TNFRSF13B: variants seen among roughly 807,000 people sequenced by gnomAD.
TNFRSF13B encodes the protein TNF receptor superfamily member 13B, also known as tumor necrosis factor receptor superfamily member 13B.
TNFRSF13B carries 34 observed loss-of-function variants against 24.0 expected under a neutral mutation model. The observed-to-expected ratio is 1.41, with a 90% CI of 1.08 to 1.88. The LOEUF (loss-of-function observed/expected upper bound fraction) is 1.88, where lower values mean the gene tolerates loss of function less well. TNFRSF13B is among the 40% of genes most tolerant of loss of function. The pLI, the probability that TNFRSF13B is intolerant of heterozygous loss-of-function variation, is 0.00. For missense variants in TNFRSF13B, 415 were observed against 380.8 expected (o/e 1.09, Z -0.75); for synonymous variants, 173 against 150.3 (o/e 1.15, Z -1.10).
At chr17:16,961,619 T>C (rs1003351715) in intron 1 of TNFRSF13B, among the ~76,000 whole-genome samples, 11 of 152,200 alleles carry the variant, frequency 7.2e-5, no homozygotes, top group African/African-American at 2.7e-4. Flanking sequence ...AATTTCTTTC[T>C]GGGGCCATAA....
chr17:16,946,223 C>G (rs1258210679), intron 3 of TNFRSF13B, among the ~76,000 whole-genome samples: 1 of 152,222 alleles, frequency 6.6e-6, no homozygotes, highest in Non-Finnish European at 1.5e-5. Flanking sequence ...CCCATGGGAC[C>G]TTAGCCCTGG....
At chr17:16,946,074 C>T (rs1290417078) in intron 3 of TNFRSF13B, among the ~76,000 whole-genome samples, 2 of 152,198 alleles carry the variant, frequency 1.3e-5, no homozygotes, top group African/African-American at 2.4e-5. Context: ...ACCCCTGACT[C>T]GGGAGAAAGC....
chr17:16,955,231 C>T (rs1353097468), intron 1 of TNFRSF13B, among the ~76,000 whole-genome samples: 1 of 152,196 alleles, frequency 6.6e-6, no homozygotes, highest in African/African-American at 2.4e-5. Context: ...TATGGGAGCA[C>T]TGCCTCTAGC....
intron 3 of TNFRSF13B, among the ~76,000 whole-genome samples, chr17:16,943,885 C>G (rs2087528695): frequency 6.6e-6 from 1 of 152,146 alleles, no homozygotes; most frequent in Non-Finnish European, 1.5e-5. Flanking sequence ...CACACACTCC[C>G]TGCACCTGCC....
chr17:16,945,758 T>G (rs1443083439), intron 3 of TNFRSF13B, among the ~76,000 whole-genome samples: 2 of 152,130 alleles, frequency 1.3e-5, no homozygotes, highest in African/African-American at 4.8e-5. Context: ...GAGGCTGTGC[T>G]AGATTAAAAA....
Position 16,940,378 on chromosome 17 carries a change from G to C in TNFRSF13B, c.579C>G (p.Cys193Trp), listed in dbSNP as rs72553885. 6.2e-7 allele frequency: 1 copy of C among 1,614,068 alleles called. No individual in the cohort carries two copies. Among genetic ancestry groups the C allele is most frequent in the Non-Finnish European group, 8.5e-7 (1 of 1,180,020 alleles). The change falls in exon 4 of 5, where the codon TGC becomes TGG. Residue 193 changes from cysteine (C) to tryptophan (W), a missense_variant. Physicochemically the swap from Cys to Trp is radical, Grantham distance 215. Coordinates refer to ENST00000261652, the MANE Select transcript of TNFRSF13B (RefSeq NM_012452.3). The stretch of plus-strand genomic sequence containing the variant: ...GGGGCCTTGAGCGGGGCTGGCAGGA[G>C]CAGGGATCCCCCCTCTTCTTGAGGA... ...ACFLKKRGDP[C>W]SCQPRSRPRQ...
At chr17:16,940,055 G>A (rs2087498010) in intron 4 of TNFRSF13B, 1 of 1,035,184 alleles carries the variant, frequency 9.7e-7, no homozygotes. Context: ...CCTCCTCCTG[G>A]GCTTAGCCCT....
At chr17:16,941,863 ACGTGGTCTTTTATG>A (rs1326137027) in intron 3 of TNFRSF13B, among the ~76,000 whole-genome samples, 1 of 151,854 alleles carries the variant, frequency 6.6e-6, no homozygotes, top group Non-Finnish European at 1.5e-5. Flanking sequence ...ATCATACAAC[ACGTGGTCTTTTATG>A]CCTGGCTCCT....
intron 1 of TNFRSF13B, among the ~76,000 whole-genome samples, chr17:16,963,492 G>A (rs1181164272): frequency 5.9e-5 from 9 of 152,168 alleles, no homozygotes; most frequent in South Asian, 2.1e-4. Context: ...AGAAGGAACA[G>A]TAAAAGCTTG....
chr17:16,952,981 G>C (rs1181277480), intron 1 of TNFRSF13B, among the ~76,000 whole-genome samples: 1 of 152,124 alleles, frequency 6.6e-6, no homozygotes, highest in Non-Finnish European at 1.5e-5. Flanking sequence ...TTCCTTCTCA[G>C]ACTGAGACCT....
chr17:16,953,355 A>G (rs541476589), intron 1 of TNFRSF13B, among the ~76,000 whole-genome samples: 9 of 152,352 alleles, frequency 5.9e-5, no homozygotes, highest in South Asian at 2.1e-4. Context: ...AACAACCACA[A>G]TGATGTGTGT....
At chr17:16,941,490 A>G (rs1206107073) in intron 3 of TNFRSF13B, 1 of 987,492 alleles carries the variant, frequency 1.0e-6, no homozygotes, top group Admixed American at 6.1e-5. Context: ...GGGTGGAAAG[A>G]CAGATGAGCC....
intron 3 of TNFRSF13B, chr17:16,940,801 G>C: frequency 7.4e-7 from 1 of 1,346,788 alleles, no homozygotes; most frequent in Non-Finnish European, 9.6e-7. Flanking sequence ...CGCTGGAGAT[G>C]GGCTGATGGG....
chr17:16,944,584 G>A (rs2087534181), intron 3 of TNFRSF13B, among the ~76,000 whole-genome samples: 1 of 152,140 alleles, frequency 6.6e-6, no homozygotes, highest in South Asian at 2.1e-4. Context: ...CCTGCAGCTG[G>A]GTTACGTGGC....
In TNFRSF13B at chr17:16,972,083, G is replaced by C; in HGVS notation, c.-8C>G. ...CCGGCCCAGGCCACTCATTACTCAG[G>C]ATGCTTATTACTAGTCTTAGATTTG... On this transcript the variant is annotated 5_prime_UTR_variant, in exon 1 of 5. The change creates a new upstream start codon in the 5' untranslated region. Coordinates refer to ENST00000261652, the MANE Select transcript of TNFRSF13B (RefSeq NM_012452.3). 6.2e-7 allele frequency: 1 copy of C among 1,613,802 alleles called. No homozygotes were observed.
chr17:16,939,490 T>G lies in TNFRSF13B; in HGVS notation c.*57A>C. On this transcript the variant is annotated 3_prime_UTR_variant, in exon 5 of 5. Coordinates refer to ENST00000261652, the MANE Select transcript of TNFRSF13B (RefSeq NM_012452.3). ...CTCTCTCCCCTCTCCCCACCTCTCT[T>G]TCTCTCTCCCCTCCTCTCCATCTCT... 3 of 1,538,780 alleles carry G rather than the reference T, an allele frequency of 1.9e-6. No individual in the cohort carries two copies. Among genetic ancestry groups the G allele is most frequent in the Non-Finnish European group, 2.6e-6 (3 of 1,133,054 alleles).
intron 3 of TNFRSF13B, among the ~76,000 whole-genome samples, chr17:16,948,335 T>TA (rs1020688725): frequency 9.4e-5 from 14 of 148,592 alleles, no homozygotes; most frequent in South Asian, 2.1e-4. Flanking sequence ...CCCCCGGATC[T>TA]AAAAAAAAAA....
Position 16,939,731 on chromosome 17 carries a change from C to T in TNFRSF13B, c.698G>A (p.Cys233Tyr). The T allele has an allele frequency of 6.2e-7, 1 of 1,606,030 alleles. No homozygotes were observed. Among genetic ancestry groups the T allele is most frequent in the Non-Finnish European group, 8.5e-7 (1 of 1,174,788 alleles). The change falls in exon 5 of 5, where the codon TGC becomes TAC. Residue 233 changes from cysteine (C) to tyrosine (Y), a missense_variant. Coordinates refer to ENST00000261652, the MANE Select transcript of TNFRSF13B (RefSeq NM_012452.3). ...CGTGGGCGCCCTGCACTCAGGGAAG[C>T]AGAAGCTGCAGGTCTCCACTGGCTC... ...SPEPVETCSF[C>Y]FPECRAPTQE...
At chr17:16,968,251 A>G (rs2087719580) in intron 1 of TNFRSF13B, among the ~76,000 whole-genome samples, 1 of 152,232 alleles carries the variant, frequency 6.6e-6, no homozygotes, top group Non-Finnish European at 1.5e-5. Flanking sequence ...AAGCCATCCC[A>G]TGCTCATGGA....
Sources: allele counts gnomAD v4.1 joint callset (sites outside exome capture counted in the v4.1 genomes callset), GRCh38; gene constraint gnomAD v4.1.1; transcripts MANE v1.5; gene names NCBI Gene and HGNC (gene_info 2026-07-23, HGNC 2026-07-21).